Variants in SIRT2 observed in about 807,000 individuals in gnomAD.
The protein encoded by SIRT2 is sirtuin 2, also known as NAD-dependent protein deacetylase sirtuin-2.
In SIRT2, 40 loss-of-function variants were observed where a neutral mutation model predicts 57.4. That is an observed-to-expected ratio of 0.70 (90% CI 0.54 to 0.91). The LOEUF is 0.91. Among genes scored for constraint, SIRT2 ranks in the 40% least tolerant of loss-of-function variants. The pLI, the probability that SIRT2 is intolerant of heterozygous loss-of-function variation, is 0.00. For synonymous variants in SIRT2, 161 were observed against 195.7 expected (o/e 0.82, Z 1.48); for missense variants, 439 against 510.4 (o/e 0.86, Z 1.35).
chr19:38,889,018 T>A, intron 8 of SIRT2, 69 bp downstream of exon 8: 1 of 1,445,686 alleles, frequency 6.9e-7, no homozygotes, highest in Non-Finnish European at 9.6e-7. Context: ...GCAGCTCTGC[T>A]CCTCTGCTGA....
chr19:38,895,436 C>G (rs1973686118), intron 2 of SIRT2, among the ~76,000 whole-genome samples: 1 of 152,258 alleles, frequency 6.6e-6, no homozygotes, highest in African/African-American at 2.4e-5. Context: ...GCAGGAGCTC[C>G]AGGAGCTCCT....
intron 6 of SIRT2, 34 bp from the exon 7 acceptor site, chr19:38,889,779 C>A (rs760390403): frequency 1.2e-6 from 2 of 1,614,152 alleles, no homozygotes; most frequent in South Asian, 2.2e-5. Context: ...CCAGATGCCC[C>A]AGGTAGCGTG....
chr19:38,898,488 TC>T, intron 1 of SIRT2, 63 bp from the exon 2 acceptor site: 1 of 1,002,318 alleles, frequency 1.0e-6, no homozygotes, highest in Non-Finnish European at 1.4e-6. Flanking sequence ...ATAAAGGGGT[TC>T]AAATGGTCAG....
chr19:38,893,372 C>A, intron 4 of SIRT2, 42 bp downstream of exon 4: 1 of 1,276,076 alleles, frequency 7.8e-7, no homozygotes, highest in Non-Finnish European at 1.1e-6. Flanking sequence ...CACTTGGGGC[C>A]AGGAGCCAGG....
At chr19:38,898,318 C>A (rs980314477) in intron 2 of SIRT2, 61 bp downstream of exon 2, 6 of 1,279,248 alleles carry the variant, frequency 4.7e-6, no homozygotes, top group Admixed American at 2.5e-5. Context: ...CACCTCCCCC[C>A]AGTGTGGGAT....
rs201682459 is a variant in SIRT2, at chr19:38,898,388, C to G, written c.54G>C (p.Gln18His). 35 of 1,553,576 alleles carry G rather than the reference C, an allele frequency of 2.3e-5. No homozygotes were observed. Among genetic ancestry groups the G allele is most frequent in the Middle Eastern group, 1.8e-4 (1 of 5,626 alleles). The change falls in exon 2 of 16, where the codon CAG becomes CAC. Residue 18 changes from glutamine to histidine, a missense_variant. By Grantham distance (24) the Gln-to-His change is conservative (BLOSUM62 0). Coordinates refer to ENST00000249396, the MANE Select transcript of SIRT2 (RefSeq NM_012237.4). The stretch of plus-strand genomic sequence containing the variant: ...CTTTCCCCCATCTCACCTGAGCCTC[C>G]TGCACCTTCCCTGCCTGGGTCTCCA... ...HPLETQAGKVQEAQDSDSDSE... is the reference protein window; with the variant it reads ...HPLETQAGKVHEAQDSDSDSE...
chr19:38,889,562 A>C, intron 7 of SIRT2, 127 bp downstream of exon 7: 1 of 1,048,608 alleles, frequency 9.5e-7, no homozygotes, highest in South Asian at 1.4e-5. Context: ...GAACCGAGGC[A>C]GTCTGGGCCC....
Position 38,880,871 on chromosome 19 carries a change from CAGG to C in SIRT2, c.771_773del (p.Leu258del). 1 of 1,613,790 alleles carries C rather than the reference CAGG, an allele frequency of 6.2e-7. No homozygotes were observed. ...GCACCTGCAAGGAGGTACCCATGACCAGGAGGAGGTCCACCTTCAGGAAGTCCT... is the reference window on the plus strand; with the variant it reads ...GCACCTGCAAGGAGGTACCCATGACCAGGAGGTCCACCTTCAGGAAGTCCT... On this transcript the variant is annotated inframe_deletion, in exon 12 of 16. Transcript: ENST00000249396. The surrounding 1 kb of genome is among the most constrained non-coding windows in gnomAD (Gnocchi z 4.1).
chr19:38,883,783 G>C (rs977935686), intron 8 of SIRT2, 27 bp from the exon 9 acceptor site: 2 of 1,612,130 alleles, frequency 1.2e-6, no homozygotes, highest in African/African-American at 2.7e-5. Flanking sequence ...AGGGAAGAGG[G>C]GTGAGGAGTG....
intron 9 of SIRT2, among the ~76,000 whole-genome samples, chr19:38,882,949 C>T (rs1973201403): frequency 6.6e-6 from 1 of 152,030 alleles, no homozygotes; most frequent in African/African-American, 2.4e-5. Context: ...TCAGAACAGC[C>T]ACACTCCAGA....
At position 38,881,564 on chromosome 19, in the gene SIRT2, C is replaced by T. The variant is rs190494006; in HGVS notation, c.632-73G>A. On this transcript the variant is annotated intron_variant, in intron 9 of 15. Transcript: ENST00000249396. Reference sequence around the variant, plus strand: ...GCCGGAGTCTGGAGGTGCAGCACCCCCACCCCTCTTCCACTGTTAACATGA... The same window carrying T: ...GCCGGAGTCTGGAGGTGCAGCACCCTCACCCCTCTTCCACTGTTAACATGA... 1.1e-4 allele frequency: 138 copies of T among 1,222,014 alleles called. No homozygotes were observed. The East Asian group carries it at 3.2e-3, about 29-fold the overall frequency. 75.7% of individuals were successfully genotyped at this position (1,222,014 alleles called of 1,614,324 possible). A position where few individuals can be genotyped will look rare whatever the true frequency, so the allele number is the denominator to read the frequency against.
At position 38,880,689 on chromosome 19, in the gene SIRT2, C is replaced by A. The variant is rs1288975955; in HGVS notation, c.872G>T (p.Gly291Val). ...PRLLINKEKA[G>V]QSDPFLGMIM... ...GGCTTGAAGAAGGGCTCTTACCTGG[C>A]CAGCTTTCTCCTTGTTGATGAGCAG... The change falls in exon 13 of 16, where the codon GGC becomes GTC. Residue 291 changes from glycine (G) to valine (V), a missense_variant. Gly to Val is a moderately radical substitution (Grantham distance 109). Coordinates refer to ENST00000249396, the MANE Select transcript of SIRT2 (RefSeq NM_012237.4). This position sits in a 1 kb window ranked among gnomAD's most constrained non-coding sequence, Gnocchi z 4.1. The A allele has an allele frequency of 2.6e-6, 4 of 1,566,406 alleles. No homozygotes were observed. The highest frequency in any genetic ancestry group is 3.5e-6 in the Non-Finnish European group (4 of 1,153,752).
intron 7 of SIRT2, 137 bp downstream of exon 7, chr19:38,889,552 G>T: frequency 3.1e-6 from 3 of 964,432 alleles, no homozygotes; most frequent in African/African-American, 1.6e-5. Context: ...ACCAGGACTT[G>T]AACCGAGGCA....
intron 8 of SIRT2, among the ~76,000 whole-genome samples, chr19:38,888,270 T>G (rs941194120): frequency 1.2e-4 from 18 of 152,172 alleles, no homozygotes; most frequent in African/African-American, 4.1e-4. Context: ...CTTCCTGAAC[T>G]CAAGCAATCC....
intron 9 of SIRT2, among the ~76,000 whole-genome samples, chr19:38,882,550 T>A (rs1214954813): frequency 6.6e-6 from 1 of 151,486 alleles, no homozygotes; most frequent in Non-Finnish European, 1.5e-5. Flanking sequence ...CAGGGAGAAT[T>A]GCTTGAACCC....
chr19:38,880,768 C>G lies in SIRT2; in HGVS notation c.825-32G>C. 6.2e-7 allele frequency: 1 copy of G among 1,610,238 alleles called. No homozygotes were observed. The highest frequency in any genetic ancestry group is 8.5e-7 in the Non-Finnish European group (1 of 1,176,948). ...GGAGGGGGAGCTAAGGGGTCAGGGT[C>G]TGTCCTGGCCCTGGGTGCCCAGCCG... On this transcript the variant is annotated intron_variant, in intron 12 of 15. Transcript: ENST00000249396. This position sits in a 1 kb window ranked among gnomAD's most constrained non-coding sequence, Gnocchi z 4.1.
intron 2 of SIRT2, among the ~76,000 whole-genome samples, chr19:38,897,831 T>C (rs964840121): frequency 6.6e-6 from 1 of 151,976 alleles, no homozygotes; most frequent in African/African-American, 2.4e-5. Context: ...TGGCCCTGAG[T>C]TACTTTCTTT....
Position 38,880,899 on chromosome 19 carries a change from T to A in SIRT2, c.748-2A>T. 1 of 1,613,348 alleles carries A rather than the reference T, an allele frequency of 6.2e-7. No individual in the cohort carries two copies. Among genetic ancestry groups the A allele is most frequent in the Non-Finnish European group, 8.5e-7 (1 of 1,179,724 alleles). ...GAGGAGGTCCACCTTCAGGAAGTCC[T>A]GCGGGGAGGGGCGTGAGCTTGGGAG... is the stretch of plus-strand genomic sequence containing the variant. On this transcript the variant is annotated splice_acceptor_variant, in intron 11 of 15. Transcript: ENST00000249396. LOFTEE classifies it high-confidence loss of function. This position sits in a 1 kb window ranked among gnomAD's most constrained non-coding sequence, Gnocchi z 4.1.
chr19:38,885,829 T>C (rs1973318540), intron 8 of SIRT2, among the ~76,000 whole-genome samples: 1 of 152,050 alleles, frequency 6.6e-6, no homozygotes, highest in Non-Finnish European at 1.5e-5. Context: ...GACCTCGTGA[T>C]CTGCCCACCT....
Sources: gnomAD v4.1 joint callset for allele counts (sites outside exome capture counted in the v4.1 genomes callset) on GRCh38, gnomAD v4.1.1 for gene constraint, Gnocchi (gnomAD v3.1) non-coding constraint, MANE v1.5 for transcripts, NCBI Gene and HGNC (gene_info 2026-07-23, HGNC 2026-07-21) for gene names.